The following NFASC variants were observed in gnomAD, a reference collection of about 807,000 sequenced individuals.
NFASC encodes the protein neurofascin homolog.
Under a neutral mutation model 147.5 loss-of-function variants are expected in NFASC, and 43 were observed. That is an observed-to-expected ratio of 0.29 (90% CI 0.23 to 0.38). NFASC has a LOEUF of 0.38. Among genes scored for constraint, NFASC ranks in the 10% least tolerant of loss-of-function variants. The pLI is 1.00. For synonymous variants in NFASC, 622 were observed against 665.5 expected (o/e 0.93, Z 1.01); for missense variants, 1,320 against 1,689.0 (o/e 0.78, Z 3.83).
At chr1:204,871,210 C>A in intron 1 of NFASC, 1 of 796,068 alleles carries the variant, frequency 1.3e-6, no homozygotes, top group Non-Finnish European at 1.8e-6. Flanking sequence ...TGGTTGTGCA[C>A]AAGGGCTGCA....
chr1:204,973,483 T>TTGGTTA lies in NFASC; in HGVS notation c.1279+67_1279+72dup, dbSNP rs1235774646. 2.1e-5 allele frequency: 33 copies of TTGGTTA among 1,583,882 alleles called. No individual in the cohort carries two copies. The African/African-American group carries it at 3.8e-4, about 18-fold the overall frequency. ...CACTACTGCACAGTCGCCCTGGGGC[T>TTGGTTA]TGGTTATGTCGTGGGGCACACTTTC... On this transcript the variant is annotated intron_variant, in intron 12 of 29. Coordinates refer to ENST00000339876, the MANE Select transcript of NFASC (RefSeq NM_001005388.3).
At chr1:204,927,279 T>C (rs990789295) in intron 2 of NFASC, among the ~76,000 whole-genome samples, 1 of 152,182 alleles carries the variant, frequency 6.6e-6, no homozygotes, top group Non-Finnish European at 1.5e-5. Context: ...TGATCTATTT[T>C]CTAGAGATTT....
At chr1:204,950,496 T>G in intron 3 of NFASC, 61 bp from the exon 4 acceptor site, 1 of 1,530,542 alleles carries the variant, frequency 6.5e-7, no homozygotes, top group Non-Finnish European at 9.0e-7. Context: ...CCTGGGCGGT[T>G]GTGTGCATAA....
chr1:204,846,499 G>A (rs1677075098), intron 1 of NFASC, among the ~76,000 whole-genome samples: 1 of 152,134 alleles, frequency 6.6e-6, no homozygotes, highest in Admixed American at 6.5e-5. Flanking sequence ...GCCATCTCCT[G>A]ACTTTGGCCT....
intron 1 of NFASC, among the ~76,000 whole-genome samples, chr1:204,907,504 C>T (rs552666143): frequency 1.6e-4 from 24 of 152,316 alleles, no homozygotes; most frequent in African/African-American, 5.8e-4. Flanking sequence ...GGCATACATA[C>T]CTTCAGATGC....
intron 1 of NFASC, among the ~76,000 whole-genome samples, chr1:204,869,804 C>T (rs112998948): frequency 4.2e-4 from 64 of 152,218 alleles, no homozygotes; most frequent in South Asian, 2.7e-3. Context: ...AAACCATGGG[C>T]GTGCCATAGT....
chr1:204,922,932 T>G (rs1398096865), intron 2 of NFASC, among the ~76,000 whole-genome samples: 1 of 152,240 alleles, frequency 6.6e-6, no homozygotes, highest in Non-Finnish European at 1.5e-5. Context: ...CACCAGGCAC[T>G]GTGCCCTGCG....
intron 3 of NFASC, among the ~76,000 whole-genome samples, chr1:204,945,372 G>A (rs2093652345): frequency 6.6e-6 from 1 of 152,244 alleles, no homozygotes; most frequent in Non-Finnish European, 1.5e-5. Flanking sequence ...GATGTCTGGG[G>A]AGGGGGGCAG....
chr1:204,907,253 C>T (rs1289568136), intron 1 of NFASC, among the ~76,000 whole-genome samples: 2 of 152,202 alleles, frequency 1.3e-5, no homozygotes, highest in Non-Finnish European at 2.9e-5. Context: ...ATACATATAT[C>T]ATCTTCAATG....
chr1:204,921,468 TC>T (rs2090467398), intron 2 of NFASC, among the ~76,000 whole-genome samples: 2 of 152,194 alleles, frequency 1.3e-5, no homozygotes, highest in Non-Finnish European at 2.9e-5. Context: ...TTTGGGCATC[TC>T]TACCTCATCG....
chr1:204,919,524 A>C lies in NFASC; in HGVS notation c.-199-1108A>C, dbSNP rs146812252. On this transcript the variant is annotated intron_variant, in intron 1 of 29. Coordinates refer to ENST00000339876, the MANE Select transcript of NFASC (RefSeq NM_001005388.3). ...TAGGTATATAGGATATATTTTAAAT[A>C]GATTCCTGGAATTGGGATTGTTGGG... is the stretch of plus-strand genomic sequence containing the variant. Among the ~76,000 whole-genome samples, 1,189 of 152,332 alleles carry C rather than the reference A, an allele frequency of 7.8e-3. 47 individuals are homozygous for C. The highest frequency in any genetic ancestry group is 0.07 in the Admixed American group (1,070 of 15,296).
rs1326323973 is a variant in NFASC, at chr1:204,988,303, G to A, written c.2594-330G>A. Among the ~76,000 whole-genome samples, 3 of 152,328 alleles carry A rather than the reference G, an allele frequency of 2.0e-5. No individual in the cohort carries two copies. The East Asian group carries it at 5.8e-4, about 29-fold the overall frequency. Reference sequence around the variant, plus strand: ...TAGTGGCGTTGTCCTAGTTCTGTTTGAAAGGAAGAAAGAAAGTGAAGAGTT... The same window carrying A: ...TAGTGGCGTTGTCCTAGTTCTGTTTAAAAGGAAGAAAGAAAGTGAAGAGTT... On this transcript the variant is annotated intron_variant, in intron 22 of 29. Coordinates refer to ENST00000339876, the MANE Select transcript of NFASC (RefSeq NM_001005388.3).
At chr1:204,930,869 A>G (rs531508158) in intron 2 of NFASC, among the ~76,000 whole-genome samples, 1 of 152,294 alleles carries the variant, frequency 6.6e-6, no homozygotes, top group East Asian at 1.9e-4. Flanking sequence ...GTGTGGGGAT[A>G]TAGGAGGGCA....
rs2150416344 is a variant in NFASC at position 204,979,029 on chromosome 1, G to A, written c.1938G>A (p.Leu646=). ...LTDLAERSVR[L]TWIPGDANNS... is the part of the protein sequence containing the mutation. ...ACCTGGCCGAGAGGAGCGTGCGGCT[G>A]ACCTGGATCCCCGGGGATGCTAACA... The change falls in exon 18 of 30, where the codon CTG becomes CTA. Residue 646 remains leucine, a synonymous_variant. Coordinates refer to ENST00000339876, the MANE Select transcript of NFASC (RefSeq NM_001005388.3). This position sits in a 1 kb window ranked among gnomAD's most constrained non-coding sequence, Gnocchi z 6.0. 1 of 1,565,402 alleles carries A rather than the reference G, an allele frequency of 6.4e-7. No individual in the cohort carries two copies. Among genetic ancestry groups the A allele is most frequent in the Non-Finnish European group, 8.7e-7 (1 of 1,154,010 alleles).
At chr1:204,850,674 C>T (rs888895401) in intron 1 of NFASC, among the ~76,000 whole-genome samples, 1 of 152,196 alleles carries the variant, frequency 6.6e-6, no homozygotes, top group Admixed American at 6.5e-5. Context: ...TGGTAAGACG[C>T]GCTTGCTTCC....
At chr1:204,902,578 G>T (rs1413692436) in intron 1 of NFASC, among the ~76,000 whole-genome samples, 3 of 152,062 alleles carry the variant, frequency 2.0e-5, no homozygotes, top group African/African-American at 7.2e-5. Context: ...ATTAGACAAT[G>T]ACATGGATTT....
rs774352225 is a variant in NFASC at position 204,957,703 on chromosome 1, G to A, written c.583G>A (p.Gly195Arg). 6.2e-6 allele frequency: 10 copies of A among 1,614,150 alleles called. No homozygotes were observed. The highest frequency in any genetic ancestry group is 6.8e-6 in the Non-Finnish European group (8 of 1,180,006). ...QDKRVSQGHNGDLYFSNVMLQ... is the reference protein window; with the variant it reads ...QDKRVSQGHNRDLYFSNVMLQ... ...CAAACGTGTCTCTCAGGGCCATAAC[G>A]GAGACCTATACTTCTCCAACGTGAT... Residue 195 changes from glycine (G) to arginine (R), a missense_variant, in exon 8 of 30, where the codon GGA becomes AGA. Around this residue, in one of 3 missense-constraint regions of NFASC, gnomAD observed 981 missense variants for 1,289.5 expected, o/e 0.76. Transcript: ENST00000339876.
At chr1:204,899,801 A>G (rs2084157646) in intron 1 of NFASC, among the ~76,000 whole-genome samples, 1 of 152,220 alleles carries the variant, frequency 6.6e-6, no homozygotes, top group Non-Finnish European at 1.5e-5. Context: ...ATGGCAGAGA[A>G]GAAAGGTCAC....
chr1:204,848,229 T>C (rs906201977), intron 1 of NFASC, among the ~76,000 whole-genome samples: 1 of 152,162 alleles, frequency 6.6e-6, no homozygotes, highest in Non-Finnish European at 1.5e-5. Context: ...TTCATCACTT[T>C]TGGCAATTTT....
Sources: allele counts gnomAD v4.1 joint callset (sites outside exome capture counted in the v4.1 genomes callset), GRCh38; gene constraint gnomAD v4.1.1; regional missense constraint gnomAD v4.1.1; non-coding constraint Gnocchi (gnomAD v3.1); transcripts MANE v1.5; gene names NCBI Gene and HGNC (gene_info 2026-07-23, HGNC 2026-07-21).